Variants in SLC25A28 observed in about 807,000 individuals in gnomAD.
The protein encoded by SLC25A28 is solute carrier family 25 member 28.
In SLC25A28, 10 loss-of-function variants were observed where a neutral mutation model predicts 31.9. The observed-to-expected ratio is 0.31, with a 90% CI of 0.19 to 0.53. SLC25A28 has a LOEUF of 0.53. Ranked by LOEUF, SLC25A28 falls within the 20% of genes least tolerant of loss-of-function variation. The pLI, the probability that SLC25A28 is intolerant of heterozygous loss-of-function variation, is 0.95. For missense variants in SLC25A28, 256 were observed against 490.3 expected (o/e 0.52, Z 4.51); for synonymous variants, 208 against 203.6 (o/e 1.02, Z -0.19).
Position 99,613,564 on chromosome 10 carries a change from C to A in SLC25A28, c.520+132G>T. On this transcript the variant is annotated intron_variant, in intron 2 of 3. Transcript: ENST00000370495. The surrounding 1 kb of genome is among the most constrained non-coding windows in gnomAD (Gnocchi z 4.9). ...GTCTGAGAACATCAGGTTTGGAAGTCCCTCCCTTATAATCTGGCCTATCCC... is the reference window on the plus strand; with the variant it reads ...GTCTGAGAACATCAGGTTTGGAAGTACCTCCCTTATAATCTGGCCTATCCC... The A allele has an allele frequency of 6.6e-7, 1 of 1,513,302 alleles. No individual in the cohort carries two copies. 93.7% of individuals were successfully genotyped at this position (1,513,302 alleles called of 1,614,324 possible).
In SLC25A28 at chr10:99,613,907, T is replaced by C. The variant is rs751800150; in HGVS notation, c.309A>G (p.Leu103=). 1.2e-6 allele frequency: 2 copies of C among 1,607,996 alleles called. No homozygotes were observed. Among genetic ancestry groups the C allele is most frequent in the African/African-American group, 1.3e-5 (1 of 74,702 alleles). Residue 103 remains leucine (L), a synonymous_variant, in exon 2 of 4, where the codon CTA becomes CTG. Transcript: ENST00000370495. The surrounding 1 kb of genome is among the most constrained non-coding windows in gnomAD (Gnocchi z 4.9). ...IDCVKTRMQS[L]QPDPAARYRN... ...GATAGCGGGCAGCTGGGTCAGGCTG[T>C]AGACTCTGCATCCGGGTCTGAAATT...
chr10:99,655,167 T>G, the SLC25A28 span, among the ~76,000 whole-genome samples: 1 of 152,158 alleles, frequency 6.6e-6, no homozygotes, highest in Non-Finnish European at 1.5e-5. Context: ...AATGTAGATC[T>G]TATCGGAGTA....
In SLC25A28 at chr10:99,613,920, C is replaced by T. The variant is rs781499072; in HGVS notation, c.296G>A (p.Arg99Gln). The T allele has an allele frequency of 1.2e-6, 2 of 1,600,466 alleles. No individual in the cohort carries two copies. The highest frequency in any genetic ancestry group is 2.2e-5 in the East Asian group (1 of 44,600). Residue 99 changes from arginine (R) to glutamine (Q), a missense_variant, in exon 2 of 4, where the codon CGG becomes CAG. Arg to Gln is a conservative substitution (Grantham distance 43). Around this residue, in one of 4 missense-constraint regions of SLC25A28, gnomAD observed 158 missense variants for 379.1 expected, o/e 0.42. Transcript: ENST00000370495. The surrounding 1 kb of genome is among the most constrained non-coding windows in gnomAD (Gnocchi z 4.9). ...VMYPIDCVKT[R>Q]MQSLQPDPAA... ...TGGGTCAGGCTGTAGACTCTGCATCCGGGTCTGAAATTACAGCAAGGAGAA... is the reference window on the plus strand; with the variant it reads ...TGGGTCAGGCTGTAGACTCTGCATCTGGGTCTGAAATTACAGCAAGGAGAA...
chr10:99,615,458 G>T, intron 1 of SLC25A28: 1 of 984,648 alleles, frequency 1.0e-6, no homozygotes, highest in Non-Finnish European at 1.2e-6. Context: ...CTAACCAGAT[G>T]AACAGGTCCC....
At chr10:99,650,672 G>C in the SLC25A28 span, among the ~76,000 whole-genome samples, 3 of 151,820 alleles carry the variant, frequency 2.0e-5, no homozygotes, top group African/African-American at 4.8e-5. Flanking sequence ...CAGGGCAGTG[G>C]TATTGTCTTA....
chr10:99,647,279 A>C, the SLC25A28 span, among the ~76,000 whole-genome samples: 310 of 152,346 alleles, frequency 2.0e-3, no homozygotes, highest in Non-Finnish European at 3.4e-3. Context: ...CATGCCTACC[A>C]ACAAAGTATA....
chr10:99,648,686 G>GTT, the SLC25A28 span, among the ~76,000 whole-genome samples: 7,162 of 119,726 alleles, frequency 0.06, 317 homozygotes, highest in Non-Finnish European at 0.081. Flanking sequence ...ATATTCCTAG[G>GTT]TTTTTTTTTT....
At chr10:99,656,650 C>T in the SLC25A28 span, among the ~76,000 whole-genome samples, 1 of 152,130 alleles carries the variant, frequency 6.6e-6, no homozygotes, top group Non-Finnish European at 1.5e-5. Flanking sequence ...GGAAATGAAG[C>T]AAAGCAAACA....
Position 99,620,177 on chromosome 10 carries a change from T to A in SLC25A28, c.159A>T (p.Val53=). 1 of 1,528,878 alleles carries A rather than the reference T, an allele frequency of 6.5e-7. No individual in the cohort carries two copies. Among genetic ancestry groups the A allele is most frequent in the Non-Finnish European group, 8.7e-7 (1 of 1,144,062 alleles). The allele number at this position is 1,528,878 out of a possible 1,614,324, so 94.7% of individuals were successfully genotyped here. A position where few individuals can be genotyped will look rare whatever the true frequency, so the allele number is the denominator to read the frequency against. The part of the protein sequence containing the change: ...GGEAGACRPP[V]RQDPDSGPDY... Reference sequence around the variant, plus strand: ...CCGGGCCGGAGTCCGGATCTTGTCGTACCGGGGGCCTGCAGGCCCCGGCCT... The same window carrying A: ...CCGGGCCGGAGTCCGGATCTTGTCGAACCGGGGGCCTGCAGGCCCCGGCCT... The change falls in exon 1 of 4, where the codon GTA becomes GTT. Residue 53 remains valine, a synonymous_variant. Transcript: ENST00000370495.
At chr10:99,630,079 T>G in the SLC25A28 span, among the ~76,000 whole-genome samples, 42 of 152,294 alleles carry the variant, frequency 2.8e-4, no homozygotes, top group Non-Finnish European at 5.3e-4. Context: ...CTTTCTTTCC[T>G]TCCTTTCATA....
chr10:99,626,657 A>G, the SLC25A28 span, among the ~76,000 whole-genome samples: 1 of 152,232 alleles, frequency 6.6e-6, no homozygotes. Context: ...AAGATATAAC[A>G]GTAGACTTCA....
the SLC25A28 span, among the ~76,000 whole-genome samples, chr10:99,627,528 C>A: frequency 6.6e-6 from 1 of 151,262 alleles, no homozygotes; most frequent in African/African-American, 2.4e-5. Flanking sequence ...GCAGCTTCAA[C>A]CCCCCTGGCT....
the SLC25A28 span, among the ~76,000 whole-genome samples, chr10:99,632,029 T>TG: frequency 1.3e-5 from 2 of 150,580 alleles, no homozygotes; most frequent in African/African-American, 4.9e-5. Context: ...CCCCAGTAGC[T>TG]GGGACTACAG....
the SLC25A28 span, among the ~76,000 whole-genome samples, chr10:99,638,281 A>G: frequency 4.6e-5 from 7 of 152,362 alleles, no homozygotes; most frequent in Admixed American, 3.9e-4. Context: ...CACCTTATAC[A>G]AAAATCAACT....
the SLC25A28 span, among the ~76,000 whole-genome samples, chr10:99,636,765 A>C: frequency 1.3e-5 from 2 of 152,220 alleles, no homozygotes; most frequent in Non-Finnish European, 2.9e-5. Flanking sequence ...TGAACAGATC[A>C]GTTACAAGCA....
the SLC25A28 span, among the ~76,000 whole-genome samples, chr10:99,627,513 T>C: frequency 8.6e-5 from 13 of 151,686 alleles, no homozygotes; most frequent in Admixed American, 2.0e-4. Context: ...TGATCATGGC[T>C]CACTGCAGCT....
the SLC25A28 span, among the ~76,000 whole-genome samples, chr10:99,655,196 A>C: frequency 6.6e-6 from 1 of 152,176 alleles, no homozygotes; most frequent in Non-Finnish European, 1.5e-5. Flanking sequence ...TGCGCCTGTA[A>C]TCCCAGCTAC....
At chr10:99,636,381 C>T in the SLC25A28 span, among the ~76,000 whole-genome samples, 43 of 151,912 alleles carry the variant, frequency 2.8e-4, no homozygotes, top group Admixed American at 9.8e-4. Context: ...AGCATTGGGT[C>T]AAAAACGAAT....
the SLC25A28 span, among the ~76,000 whole-genome samples, chr10:99,636,616 C>A: frequency 2.0e-5 from 3 of 152,006 alleles, no homozygotes; most frequent in Non-Finnish European, 4.4e-5. Context: ...ATATCCAATA[C>A]TGACACTGCT....
Sources: gnomAD v4.1 joint callset for allele counts (sites outside exome capture counted in the v4.1 genomes callset) on GRCh38, gnomAD v4.1.1 for gene constraint, gnomAD v4.1.1 regional missense constraint, Gnocchi (gnomAD v3.1) non-coding constraint, MANE v1.5 for transcripts, NCBI Gene and HGNC (gene_info 2026-07-23, HGNC 2026-07-21) for gene names.